Variants in ITCH observed in about 807,000 individuals in gnomAD.
The protein encoded by ITCH is E3 ubiquitin-protein ligase Itchy homolog.
A neutral mutation model predicts 126.8 loss-of-function variants in ITCH; 28 were observed. The ratio of observed to expected loss-of-function variants is 0.22; its 90% confidence interval spans 0.16 to 0.30. ITCH has a LOEUF of 0.30. Among genes scored for constraint, ITCH ranks in the 10% least tolerant of loss-of-function variants. ITCH has a pLI of 1.00. For synonymous variants in ITCH, 342 were observed against 340.0 expected, an observed-to-expected ratio of 1.01 and a Z score of -0.06; for missense variants, 631 against 1,032.4, an observed-to-expected ratio of 0.61 and a Z score of 5.33.
intron 20 of ITCH, among the ~76,000 whole-genome samples, chr20:34,487,406 C>G (rs1275276201): frequency 6.6e-6 from 1 of 152,176 alleles, no homozygotes; most frequent in East Asian, 1.9e-4. Flanking sequence ...GGACTTTTGT[C>G]TAACCATTGC....
intron 24 of ITCH, 59 bp from the exon 25 acceptor site, chr20:34,507,636 A>G (rs1300892837): frequency 1.6e-6 from 2 of 1,275,474 alleles, no homozygotes; most frequent in South Asian, 1.2e-5. Context: ...AGTATACTAC[A>G]CTACTCATTT....
intron 23 of ITCH, among the ~76,000 whole-genome samples, chr20:34,498,257 A>G (rs527808439): frequency 7.4e-4 from 113 of 152,134 alleles, no homozygotes; most frequent in Middle Eastern, 3.2e-3. Context: ...GGTTTTCTGT[A>G]TATAAGGTCA....
chr20:34,463,358 G>C (rs940600412), intron 14 of ITCH, among the ~76,000 whole-genome samples: 3 of 152,116 alleles, frequency 2.0e-5, no homozygotes, highest in African/African-American at 7.2e-5. Flanking sequence ...GTGAGACTCC[G>C]TCTCAAAAAA....
At chr20:34,469,222 A>AACACACACAC (rs34998924) in intron 14 of ITCH, among the ~76,000 whole-genome samples, 19 of 149,134 alleles carry the variant, frequency 1.3e-4, no homozygotes, top group African/African-American at 4.7e-4. Flanking sequence ...GCAAATTATA[A>AACACACACAC]ACACACACAC....
intron 4 of ITCH, among the ~76,000 whole-genome samples, chr20:34,409,728 A>G (rs1487827765): frequency 6.6e-6 from 1 of 152,182 alleles, no homozygotes; most frequent in Non-Finnish European, 1.5e-5. Context: ...ATATCTTTGT[A>G]TGTTGGTGTT....
chr20:34,507,623 A>C, intron 24 of ITCH, 72 bp from the exon 25 acceptor site: 1 of 1,120,810 alleles, frequency 8.9e-7, no homozygotes, highest in Non-Finnish European at 1.4e-6. Context: ...TAGTGTATAA[A>C]GTAGTATACT....
intron 6 of ITCH, among the ~76,000 whole-genome samples, chr20:34,415,367 TAG>T (rs1979679944): frequency 6.6e-6 from 1 of 151,950 alleles, no homozygotes; most frequent in African/African-American, 2.4e-5. Flanking sequence ...GAGACCAGCC[TAG>T]GCAACATAAC....
At position 34,368,766 on chromosome 20, in the gene ITCH, G is replaced by A. The variant is rs116111938; in HGVS notation, c.-98-628G>A. ...GACTATATCCAGATCCTTGGTGTGC[G>A]TTTTCTTTTCCTGTCCCTAGGAGTC... On this transcript the variant is annotated intron_variant, in intron 1 of 24. Transcript: ENST00000374864. Among the ~76,000 whole-genome samples, 530 of 152,158 alleles carry A rather than the reference G, an allele frequency of 3.5e-3. 2 individuals carry two copies. Among genetic ancestry groups the A allele is most frequent in the African/African-American group, 0.012 (506 of 41,522 alleles).
intron 6 of ITCH, among the ~76,000 whole-genome samples, chr20:34,423,666 C>A (rs114072742): frequency 0.031 from 4,744 of 152,136 alleles, 270 homozygotes; most frequent in African/African-American, 0.11. Flanking sequence ...TGCAATGGCG[C>A]GATCTTGGCT....
rs771526786 is a variant in ITCH at position 34,424,495 on chromosome 20, A to G, written c.491A>G (p.Asp164Gly). Residue 164 changes from aspartate to glycine, a missense_variant, in exon 7 of 25, where the codon GAT becomes GGT. Transcript: ENST00000374864. ...TTCSESASQN[D>G]DGSRSKDETR... Reference sequence around the variant, plus strand: ...GATGTTAAAGGTGCTTCTCAGAATGATGATGGCTCCAGATCCAAGGATGAA... The same window carrying G: ...GATGTTAAAGGTGCTTCTCAGAATGGTGATGGCTCCAGATCCAAGGATGAA... 6.2e-7 allele frequency: 1 copy of G among 1,613,578 alleles called. No homozygotes were observed.
At chr20:34,385,595 CA>C (rs1282576714) in intron 2 of ITCH, among the ~76,000 whole-genome samples, 1 of 152,024 alleles carries the variant, frequency 6.6e-6, no homozygotes, top group Non-Finnish European at 1.5e-5. Context: ...GGGAAGAGAT[CA>C]CCTTCTGGAA....
intron 2 of ITCH, among the ~76,000 whole-genome samples, chr20:34,380,228 A>T (rs1385133983): frequency 6.6e-6 from 1 of 152,084 alleles, no homozygotes; most frequent in African/African-American, 2.4e-5. Context: ...TTCAGGTTTC[A>T]TGTTGTACCA....
chr20:34,480,192 C>T lies in ITCH; in HGVS notation c.1818+403C>T, dbSNP rs1188754812. On this transcript the variant is annotated intron_variant, in intron 18 of 24. Transcript: ENST00000374864. ...GGGATTACAGGTATAAGTCACCGTG[C>T]CCAGCCAGGGAAGTGTTTTTTTGAG... Among the ~76,000 whole-genome samples the T allele has an allele frequency of 3.9e-5, 6 of 152,144 alleles. No individual in the cohort carries two copies. The South Asian group carries it at 8.3e-4, about 21-fold the overall frequency.
At position 34,457,429 on chromosome 20, in the gene ITCH, A is replaced by G. The variant is rs1229642621; in HGVS notation, c.1250A>G (p.Asn417Ser). Residue 417 changes from asparagine (N) to serine (S), a missense_variant, in exon 13 of 25, where the codon AAC becomes AGC. Coordinates refer to ENST00000374864, the MANE Select transcript of ITCH (RefSeq NM_031483.7). ...TDSNGRVYFV[N>S]HNTRITQWED... ...AGCAATGGCAGAGTATATTTCGTCA[A>G]CCACAACACACGAATTACACAATGG... is the stretch of plus-strand genomic sequence containing the variant. 9 of 1,613,814 alleles carry G rather than the reference A, an allele frequency of 5.6e-6. No homozygotes were observed. The highest frequency in any genetic ancestry group is 2.2e-5 in the South Asian group (2 of 91,058).
chr20:34,377,890 G>A (rs1250919793), intron 2 of ITCH, among the ~76,000 whole-genome samples: 2 of 151,644 alleles, frequency 1.3e-5, no homozygotes, highest in Non-Finnish European at 1.5e-5. Context: ...AAAAAATTAT[G>A]ATTCAGAATG....
intron 21 of ITCH, 104 bp downstream of exon 21, chr20:34,489,490 T>C (rs1243898912): frequency 9.1e-7 from 1 of 1,101,122 alleles, no homozygotes; most frequent in East Asian, 2.4e-5. Flanking sequence ...GTAATATTTT[T>C]ATACTGGGGC....
chr20:34,440,131 C>T (rs1429262556), intron 8 of ITCH, 24 bp from the exon 9 acceptor site: 3 of 1,547,708 alleles, frequency 1.9e-6, no homozygotes, highest in African/African-American at 1.4e-5. Context: ...GATTCTTTTC[C>T]TATTTTCCCC....
chr20:34,383,135 G>A (rs1372295792), intron 2 of ITCH, among the ~76,000 whole-genome samples: 5 of 151,992 alleles, frequency 3.3e-5, no homozygotes, highest in East Asian at 1.9e-4. Flanking sequence ...TTGACCTCTC[G>A]GGCTCTGGCG....
chr20:34,467,602 A>ACTT (rs2146401715), intron 14 of ITCH, among the ~76,000 whole-genome samples: 1 of 151,976 alleles, frequency 6.6e-6, no homozygotes, highest in South Asian at 2.1e-4. Flanking sequence ...GGTTCATCAA[A>ACTT]CTTATAAGTT....
Sources: gnomAD v4.1 joint callset for allele counts (sites outside exome capture counted in the v4.1 genomes callset) on GRCh38, gnomAD v4.1.1 for gene constraint, MANE v1.5 for transcripts, NCBI Gene and HGNC (gene_info 2026-07-23, HGNC 2026-07-21) for gene names.